Variants in GATA3 observed in about 807,000 individuals in gnomAD.
GATA3 encodes the protein trans-acting T-cell-specific transcription factor GATA-3.
GATA3 carries 6 observed loss-of-function variants against 36.0 expected under a neutral mutation model. The ratio of observed to expected loss-of-function variants is 0.17; its 90% confidence interval spans 0.09 to 0.33. The LOEUF (loss-of-function observed/expected upper bound fraction) is 0.33. GATA3 is among the 10% of genes least tolerant of loss of function. The probability of loss-of-function intolerance (pLI) is 1.00; values close to 1 mark genes in which losing one functional copy is unlikely to be tolerated. For missense variants in GATA3, 514 were observed against 610.1 expected (o/e 0.84, Z 1.66); for synonymous variants, 326 against 273.0 (o/e 1.19, Z -1.92).
At chr10:8,070,817 G>A (rs1175428353) in intron 5 of GATA3, among the ~76,000 whole-genome samples, 2 of 152,124 alleles carry the variant, frequency 1.3e-5, no homozygotes, top group African/African-American at 4.8e-5. Flanking sequence ...CTGTGGCCCT[G>A]GTGCAGTGAA....
chr10:8,049,887 G>C (rs1484153808), upstream of GATA3, among the ~76,000 whole-genome samples: 1 of 152,150 alleles, frequency 6.6e-6, no homozygotes. Flanking sequence ...GAGGAAGGAG[G>C]CCAGTTTTCA....
At chr10:8,046,124 G>A (rs1267520513) in intron 1 of GATA3, among the ~76,000 whole-genome samples, 1 of 152,190 alleles carries the variant, frequency 6.6e-6, no homozygotes, top group African/African-American at 2.4e-5. Context: ...CCCAGAGGGT[G>A]CCCAGGGGCA....
At chr10:8,058,997 A>C (rs1008986424) in intron 3 of GATA3, among the ~76,000 whole-genome samples, 156 bp downstream of exon 3, 22 of 152,186 alleles carry the variant, frequency 1.4e-4, no homozygotes, top group Admixed American at 1.4e-3. Context: ...AAGGCACTGC[A>C]TGTCCTCCCA....
At chr10:8,069,428 T>G in intron 4 of GATA3, 45 bp from the exon 5 acceptor site, 5 of 1,587,374 alleles carry the variant, frequency 3.1e-6, no homozygotes, top group Non-Finnish European at 3.5e-6. Flanking sequence ...ACAACACATT[T>G]AACATTTGTT....
intron 2 of GATA3, 70 bp from the exon 3 acceptor site, chr10:8,058,235 G>A: frequency 1.3e-6 from 2 of 1,534,224 alleles, no homozygotes; most frequent in South Asian, 2.2e-5. Context: ...TTCCCCAGGT[G>A]TCCCTGACGG....
chr10:8,055,391 C>G lies in GATA3; in HGVS notation c.-265C>G, dbSNP rs1396149815. 7.2e-6 allele frequency: 4 copies of G among 557,668 alleles called. No homozygotes were observed. The highest frequency in any genetic ancestry group is 1.3e-5 in the Non-Finnish European group (4 of 311,776). 34.5% of individuals were successfully genotyped at this position (557,668 alleles called of 1,614,324 possible). On this transcript the variant is annotated 5_prime_UTR_variant, in exon 2 of 6. Transcript: ENST00000379328. The surrounding 1 kb of genome is among the most constrained non-coding windows in gnomAD (Gnocchi z 5.4). Reference sequence around the variant, plus strand: ...GTCGCCCCTTTTTACAACCTGGTCCCGTTTTATTCTGCCGTACCCAGTTTT... The same window carrying G: ...GTCGCCCCTTTTTACAACCTGGTCCGGTTTTATTCTGCCGTACCCAGTTTT...
At position 8,058,306 on chromosome 10, in the gene GATA3, G is replaced by A. The variant is rs1433563985; in HGVS notation, c.243G>A (p.Gly81=). 6.2e-7 allele frequency: 1 copy of A among 1,613,492 alleles called. No individual in the cohort carries two copies. Among genetic ancestry groups the A allele is most frequent in the East Asian group, 2.2e-5 (1 of 44,864 alleles). The part of the protein sequence containing the change: ...TVQRYPPTHH[G]SQVCRPPLLH... The stretch of plus-strand genomic sequence containing the variant: ...TGCCCTTTCCCCGTTGCCCCACAGG[G>A]AGCCAGGTGTGCCGCCCGCCTCTGC... The change falls in exon 3 of 6, where the codon GGG becomes GGA. Residue 81 remains glycine, a splice_region_variant and synonymous_variant. Coordinates refer to ENST00000379328, the MANE Select transcript of GATA3 (RefSeq NM_001002295.2).
At chr10:8,047,292 T>C (rs367660860) in intron 1 of GATA3, among the ~76,000 whole-genome samples, 1 of 152,142 alleles carries the variant, frequency 6.6e-6, no homozygotes, top group Non-Finnish European at 1.5e-5. Context: ...CCTGGAACCA[T>C]AGGAGGTGGC....
intron 2 of GATA3, among the ~76,000 whole-genome samples, chr10:8,057,806 G>A (rs1832665973): frequency 6.6e-6 from 1 of 152,154 alleles, no homozygotes; most frequent in South Asian, 2.1e-4. Context: ...GTTTTCTGGT[G>A]TGGAGCAGTT....
chr10:8,061,071 C>CTG, intron 3 of GATA3, among the ~76,000 whole-genome samples: 1 of 143,792 alleles, frequency 7.0e-6, no homozygotes, highest in African/African-American at 2.6e-5. Flanking sequence ...TGGTTGCTCT[C>CTG]TCTCTCTCTC....
At chr10:8,067,114 A>G (rs1832854980) in intron 4 of GATA3, among the ~76,000 whole-genome samples, 1 of 152,196 alleles carries the variant, frequency 6.6e-6, no homozygotes, top group South Asian at 2.1e-4. Flanking sequence ...GGTTTTACGT[A>G]GTACTTTCTC....
At position 8,055,963 on chromosome 10, in the gene GATA3, G is replaced by A. The variant is rs1368617317; in HGVS notation, c.241+67G>A. 6.5e-7 allele frequency: 1 copy of A among 1,541,222 alleles called. No individual in the cohort carries two copies. The highest frequency in any genetic ancestry group is 8.8e-7 in the Non-Finnish European group (1 of 1,139,698). On this transcript the variant is annotated intron_variant, in intron 2 of 5. Transcript: ENST00000379328. The surrounding 1 kb of genome is among the most constrained non-coding windows in gnomAD (Gnocchi z 5.4). Reference sequence around the variant, plus strand: ...AGCCGTCCCGGCTCGGGGAGGTCGGGAGGGACCTGAGGGCGGGGAGAGGTC... The same window carrying A: ...AGCCGTCCCGGCTCGGGGAGGTCGGAAGGGACCTGAGGGCGGGGAGAGGTC...
intron 3 of GATA3, among the ~76,000 whole-genome samples, chr10:8,061,082 TC>T (rs1564400289): frequency 9.4e-5 from 14 of 149,470 alleles, no homozygotes; most frequent in Non-Finnish European, 1.8e-4. Context: ...TCTCTCTCTC[TC>T]TCTCTCTTTT....
In GATA3 at chr10:8,058,699, CTCGTCG is replaced by C; in HGVS notation, c.637_642del (p.Ser213_Ser214del). 6.2e-7 allele frequency: 1 copy of C among 1,613,034 alleles called. No homozygotes were observed. The highest frequency in any genetic ancestry group is 8.5e-7 in the Non-Finnish European group (1 of 1,179,968). On this transcript the variant is annotated inframe_deletion, in exon 3 of 6. Transcript: ENST00000379328. Reference sequence around the variant, plus strand: ...GCATGACCGCCCTGGGTGGAGCCTCCTCGTCGACCCACCACCCCATCACCACCTACC... The same window carrying C: ...GCATGACCGCCCTGGGTGGAGCCTCCACCCACCACCCCATCACCACCTACC...
intron 1 of GATA3, among the ~76,000 whole-genome samples, chr10:8,046,761 G>T (rs1321485943): frequency 1.3e-5 from 2 of 151,796 alleles, no homozygotes; most frequent in Non-Finnish European, 2.9e-5. Context: ...TTTGAACCCA[G>T]TCGGGGCGTG....
chr10:8,068,677 C>T (rs544921702), intron 4 of GATA3, among the ~76,000 whole-genome samples: 8 of 152,162 alleles, frequency 5.3e-5, no homozygotes, highest in Non-Finnish European at 8.8e-5. Flanking sequence ...TGCTTCAAGC[C>T]GTGAGGTGGA....
At chr10:8,069,322 C>A (rs1480977285) in intron 4 of GATA3, 151 bp from the exon 5 acceptor site, 7 of 790,242 alleles carry the variant, frequency 8.9e-6, no homozygotes, top group African/African-American at 1.7e-5. Context: ...TTTTGGGGAT[C>A]TGTATTACTT....
chr10:8,053,984 G>T (rs1228406615), upstream of GATA3, among the ~76,000 whole-genome samples: 1 of 152,114 alleles, frequency 6.6e-6, no homozygotes, highest in Non-Finnish European at 1.5e-5. The surrounding 1 kb of genome is among the most constrained non-coding windows in gnomAD (Gnocchi z 5.1). Context: ...AAGGGCAGCT[G>T]CAACAGCTGA....
At chr10:8,058,183 GC>G in intron 2 of GATA3, 121 bp from the exon 3 acceptor site, 1 of 1,095,944 alleles carries the variant, frequency 9.1e-7, no homozygotes, top group South Asian at 1.4e-5. Context: ...GTGGGCCTGA[GC>G]CCGGGCTTTT....
Sources: allele counts gnomAD v4.1 joint callset (sites outside exome capture counted in the v4.1 genomes callset), GRCh38; gene constraint gnomAD v4.1.1; non-coding constraint Gnocchi (gnomAD v3.1); transcripts MANE v1.5; gene names NCBI Gene and HGNC (gene_info 2026-07-23, HGNC 2026-07-21).